The following TNIK variants were observed in gnomAD, a reference collection of about 807,000 sequenced individuals.
The protein encoded by TNIK is TRAF2 and NCK interacting kinase, also known as TRAF2 and NCK-interacting protein kinase.
TNIK carries 49 observed loss-of-function variants against 191.3 expected under a neutral mutation model. The ratio of observed to expected loss-of-function variants is 0.26; its 90% CI spans 0.20 to 0.32. The LOEUF (loss-of-function observed/expected upper bound fraction) is 0.32, where lower values mean the gene tolerates loss of function less well. Ranked by LOEUF, TNIK falls within the 10% of genes least tolerant of loss-of-function variation. The pLI, the probability that TNIK is intolerant of heterozygous loss-of-function variation, is 1.00. For synonymous variants in TNIK, 594 were observed against 600.9 expected, an observed-to-expected ratio of 0.99 and a Z score of 0.17; for missense variants, 1,155 against 1,702.3, an observed-to-expected ratio of 0.68 and a Z score of 5.66.
intron 2 of TNIK, among the ~76,000 whole-genome samples, chr3:171,244,793 G>A (rs952041606): frequency 2.0e-5 from 3 of 150,972 alleles, no homozygotes; most frequent in African/African-American, 7.3e-5. Flanking sequence ...GTGATAGGAT[G>A]ACAACTTACT....
chr3:171,437,560 T>C (rs1323930675), intron 1 of TNIK, among the ~76,000 whole-genome samples: 1 of 152,248 alleles, frequency 6.6e-6, no homozygotes, highest in East Asian at 1.9e-4. Flanking sequence ...CTGCATTTAT[T>C]CAAACCCTGT....
At chr3:171,123,208 A>G (rs1727990623) in intron 18 of TNIK, among the ~76,000 whole-genome samples, 1 of 152,186 alleles carries the variant, frequency 6.6e-6, no homozygotes, top group African/African-American at 2.4e-5. Flanking sequence ...TGATGCTAAA[A>G]ATCACCTCGA....
intron 2 of TNIK, among the ~76,000 whole-genome samples, chr3:171,316,870 C>G (rs1358711941): frequency 6.7e-6 from 1 of 149,844 alleles, no homozygotes; most frequent in Non-Finnish European, 1.5e-5. Flanking sequence ...GAACTAAGAA[C>G]TATATACAAG....
intron 2 of TNIK, among the ~76,000 whole-genome samples, chr3:171,256,842 GC>G (rs1422998788): frequency 2.0e-5 from 3 of 152,052 alleles, no homozygotes; most frequent in South Asian, 2.1e-4. Flanking sequence ...AGTAACACTG[GC>G]CCCCCATGAA....
chr3:171,221,753 T>C (rs1409115629), intron 3 of TNIK, among the ~76,000 whole-genome samples: 1 of 152,094 alleles, frequency 6.6e-6, no homozygotes, highest in Non-Finnish European at 1.5e-5. Flanking sequence ...TAAGCCATTT[T>C]TTTTCAGCTA....
chr3:171,347,391 TCACACACA>T (rs150384769), intron 2 of TNIK, among the ~76,000 whole-genome samples: 4 of 146,070 alleles, frequency 2.7e-5, no homozygotes, highest in South Asian at 4.5e-4. Flanking sequence ...GAAGTGCCTA[TCACACACA>T]CACACACACA....
intron 11 of TNIK, among the ~76,000 whole-genome samples, chr3:171,157,893 C>T (rs1733436649): frequency 6.6e-6 from 1 of 152,222 alleles, no homozygotes; most frequent in Non-Finnish European, 1.5e-5. Flanking sequence ...CTGCCTCCAT[C>T]CATAGAGGGA....
At chr3:171,166,981 T>C (rs986274484) in intron 10 of TNIK, 114 bp downstream of exon 10, 1 of 1,347,510 alleles carries the variant, frequency 7.4e-7, no homozygotes, top group Non-Finnish European at 9.8e-7. Flanking sequence ...CCCCTCGCAC[T>C]AAAGAATAAT....
At chr3:171,120,577 C>T (rs1277069965) in intron 18 of TNIK, among the ~76,000 whole-genome samples, 1 of 152,080 alleles carries the variant, frequency 6.6e-6, no homozygotes, top group Non-Finnish European at 1.5e-5. Context: ...TCTCGGCCTC[C>T]CAAAGTGCTG....
At chr3:171,122,374 C>T (rs1482830833) in intron 18 of TNIK, among the ~76,000 whole-genome samples, 2 of 152,180 alleles carry the variant, frequency 1.3e-5, no homozygotes, top group Non-Finnish European at 2.9e-5. Flanking sequence ...CCCTTGGCTG[C>T]CTGGTCACAG....
intron 2 of TNIK, among the ~76,000 whole-genome samples, chr3:171,338,645 T>A (rs962482785): frequency 3.3e-5 from 5 of 150,260 alleles, no homozygotes; most frequent in Non-Finnish European, 7.4e-5. Flanking sequence ...TGTACCACCA[T>A]GCTCAGCTAA....
chr3:171,244,269 G>A (rs1465865542), intron 2 of TNIK, among the ~76,000 whole-genome samples: 1 of 151,988 alleles, frequency 6.6e-6, no homozygotes, highest in Non-Finnish European at 1.5e-5. Context: ...GTTTCACCAT[G>A]TTAGCCAGGA....
At chr3:171,239,271 TAACA>T (rs1267604342) in intron 2 of TNIK, among the ~76,000 whole-genome samples, 1 of 152,220 alleles carries the variant, frequency 6.6e-6, no homozygotes, top group African/African-American at 2.4e-5. Context: ...GCTAAAAATG[TAACA>T]GTCAATGACA....
At chr3:171,300,285 C>T (rs997058881) in intron 2 of TNIK, among the ~76,000 whole-genome samples, 6 of 152,200 alleles carry the variant, frequency 3.9e-5, no homozygotes, top group African/African-American at 1.4e-4. Context: ...TGTTGGCACT[C>T]ACACAGCACG....
chr3:171,077,548 T>C (rs1046606718), intron 28 of TNIK, among the ~76,000 whole-genome samples: 6 of 152,236 alleles, frequency 3.9e-5, no homozygotes, highest in African/African-American at 1.2e-4. Context: ...ACATCAGTCT[T>C]TTCTGGCCTT....
chr3:171,336,121 A>G (rs951948386), intron 2 of TNIK, among the ~76,000 whole-genome samples: 1 of 152,142 alleles, frequency 6.6e-6, no homozygotes, highest in African/African-American at 2.4e-5. Context: ...AATCTACATT[A>G]CTCATTTAAA....
At chr3:171,147,820 C>A (rs571717801) in intron 12 of TNIK, among the ~76,000 whole-genome samples, 1 of 152,060 alleles carries the variant, frequency 6.6e-6, no homozygotes, top group South Asian at 2.1e-4. Context: ...TTGGTAAGTG[C>A]GAGGCCAGGA....
chr3:171,139,428 T>G, intron 14 of TNIK, 42 bp downstream of exon 14: 1 of 1,512,192 alleles, frequency 6.6e-7, no homozygotes, highest in East Asian at 2.3e-5. Context: ...ACTTGCAAGA[T>G]GAACACAGAG....
chr3:171,314,663 C>A (rs1275390097), intron 2 of TNIK, among the ~76,000 whole-genome samples: 1 of 152,040 alleles, frequency 6.6e-6, no homozygotes, highest in African/African-American at 2.4e-5. Flanking sequence ...AGTGTGGTTA[C>A]CTGTCCTCCA....
Sources: gnomAD v4.1 joint callset for allele counts (sites outside exome capture counted in the v4.1 genomes callset) on GRCh38, gnomAD v4.1.1 for gene constraint, MANE v1.5 for transcripts, NCBI Gene and HGNC (gene_info 2026-07-23, HGNC 2026-07-21) for gene names.